The following OPHN1 variants were observed in gnomAD, a reference collection of about 807,000 sequenced individuals.
OPHN1 encodes the protein oligophrenin 1.
In OPHN1, 11 loss-of-function variants were observed where a neutral mutation model predicts 60.7. The observed-to-expected ratio is 0.18, with a 90% CI of 0.11 to 0.30. The LOEUF (loss-of-function observed/expected upper bound fraction) is 0.30. OPHN1 is among the 10% of genes least tolerant of loss of function. OPHN1 has a pLI of 1.00. For missense variants in OPHN1, 449 were observed against 611.0 expected (o/e 0.73, Z 2.80); for synonymous variants, 226 against 222.6 (o/e 1.02, Z -0.14).
chrX:68,084,498 T>A (rs1338732317), intron 19 of OPHN1, among the ~76,000 whole-genome samples: 1 of 109,966 alleles, frequency 9.1e-6, no homozygotes, highest in African/African-American at 3.3e-5. Context: ...AGTGAAGCAG[T>A]TACATGCTAT....
intron 16 of OPHN1, among the ~76,000 whole-genome samples, chrX:68,118,404 T>C (rs1220584162): frequency 8.9e-6 from 1 of 111,830 alleles, no homozygotes; most frequent in Non-Finnish European, 1.9e-5. Flanking sequence ...ACATTCAAGT[T>C]TATGGAAAGC....
intron 18 of OPHN1, among the ~76,000 whole-genome samples, chrX:68,103,761 C>T (rs1389578497): frequency 1.8e-5 from 2 of 111,284 alleles, no homozygotes; most frequent in Non-Finnish European, 3.8e-5. Context: ...AAAATAGGCA[C>T]AAGACAAGGA....
In OPHN1 at chrX:68,045,495, G is replaced by A. The variant is rs2076829390; in HGVS notation, c.*1677C>T. 9.0e-6 allele frequency: 1 copy of A among 111,501 alleles called. No homozygotes were observed. Among genetic ancestry groups the A allele is most frequent in the African/African-American group, 3.3e-5 (1 of 30,588 alleles). The allele number at this position is 111,501 out of a possible 1,213,427, so 9.2% of individuals were successfully genotyped here. A position where few individuals can be genotyped will look rare whatever the true frequency, so the allele number is the denominator to read the frequency against. On this transcript the variant is annotated 3_prime_UTR_variant, in exon 25 of 25. Transcript: ENST00000355520. ...TTTATCTGTCAGTACTATAATCAGT[G>A]CACTAACAGGGCCTTGGTAGAAGAG...
chrX:68,048,342 C>G, intron 24 of OPHN1, 74 bp downstream of exon 24: 1 of 955,696 alleles, frequency 1.0e-6, no homozygotes, highest in Non-Finnish European at 1.5e-6. Context: ...TTATTCCAGT[C>G]CTCAAAATAT....
chrX:68,288,961 G>C (rs555698707), intron 3 of OPHN1, among the ~76,000 whole-genome samples: 4 of 110,932 alleles, frequency 3.6e-5, no homozygotes, highest in African/African-American at 1.3e-4. Context: ...GAATTAATGG[G>C]AAGGCAATAA....
intron 21 of OPHN1, among the ~76,000 whole-genome samples, chrX:68,057,275 C>T (rs1387622236): frequency 9.0e-6 from 1 of 111,616 alleles, no homozygotes; most frequent in Non-Finnish European, 1.9e-5. Flanking sequence ...GGATCCTGAG[C>T]ATGGGTATTT....
intron 5 of OPHN1, among the ~76,000 whole-genome samples, chrX:68,264,991 C>A (rs1413243431): frequency 8.9e-6 from 1 of 112,485 alleles, no homozygotes; most frequent in Non-Finnish European, 1.9e-5. Flanking sequence ...GGGGCGCCCG[C>A]CATTGCCCCT....
Position 68,213,868 on chromosome X carries a change from C to T in OPHN1, c.591G>A (p.Val197=). The T allele has an allele frequency of 8.6e-7, 1 of 1,168,406 alleles. No homozygotes were observed. Among genetic ancestry groups the T allele is most frequent in the Non-Finnish European group, 1.2e-6 (1 of 857,595 alleles). The part of the protein sequence containing the change: ...EVQESKKFNI[V]EPVLAFLHSL... Reference sequence around the variant, plus strand: ...ATCAACAGAGAAAACTTACAGGCTCCACAATATTGAACTTCTTGGACTCCT... The same window carrying T: ...ATCAACAGAGAAAACTTACAGGCTCTACAATATTGAACTTCTTGGACTCCT... The change falls in exon 7 of 25, where the codon GTG becomes GTA. Residue 197 remains valine, a synonymous_variant. Transcript: ENST00000355520.
chrX:68,289,238 C>G, intron 3 of OPHN1, among the ~76,000 whole-genome samples: 1 of 111,515 alleles, frequency 9.0e-6, no homozygotes, highest in Non-Finnish European at 1.9e-5. Context: ...ATAATGTTTA[C>G]CAATCCAAGA....
chrX:68,355,273 T>C (rs2078434655), intron 2 of OPHN1, among the ~76,000 whole-genome samples: 1 of 112,304 alleles, frequency 8.9e-6, no homozygotes, highest in African/African-American at 3.2e-5. Context: ...GGAAAGGAAA[T>C]TGCATAGGAC....
chrX:68,125,930 A>AATATATATATATATATATATATATATAT (rs59058075), intron 15 of OPHN1, among the ~76,000 whole-genome samples: 34 of 22,222 alleles, frequency 1.5e-3, no homozygotes, highest in African/African-American at 2.5e-3. Context: ...ACCACTGATC[A>AATATATATATATATATATATATATATAT]ATATATATAT....
chrX:68,208,843 G>C (rs763308213), intron 9 of OPHN1, among the ~76,000 whole-genome samples: 1 of 111,868 alleles, frequency 8.9e-6, no homozygotes, highest in African/African-American at 3.2e-5. Flanking sequence ...GGCCAGGGAT[G>C]CTTCTAAATA....
chrX:68,170,887 C>T (rs1341631080), intron 15 of OPHN1, among the ~76,000 whole-genome samples: 3 of 108,015 alleles, frequency 2.8e-5, no homozygotes, highest in South Asian at 8.5e-4. Context: ...ACATATGTAA[C>T]TAAACTGCAC....
intron 18 of OPHN1, among the ~76,000 whole-genome samples, chrX:68,106,687 G>A (rs1320512370): frequency 9.0e-6 from 1 of 111,389 alleles, no homozygotes; most frequent in Non-Finnish European, 1.9e-5. Flanking sequence ...AATTGGCTAA[G>A]GTCAGTTTGG....
chrX:68,206,156 A>C (rs960231755), intron 10 of OPHN1, among the ~76,000 whole-genome samples: 1 of 111,646 alleles, frequency 9.0e-6, no homozygotes, highest in Non-Finnish European at 1.9e-5. Flanking sequence ...AGTACATAGA[A>C]TGTGAGTATC....
intron 15 of OPHN1, among the ~76,000 whole-genome samples, chrX:68,149,012 G>A (rs772366123): frequency 1.8e-5 from 2 of 110,702 alleles, no homozygotes; most frequent in South Asian, 7.8e-4. Context: ...AATTTTTCAT[G>A]GCCCACAAAA....
intron 5 of OPHN1, among the ~76,000 whole-genome samples, chrX:68,253,963 C>A (rs180783431): frequency 6.2e-4 from 70 of 112,141 alleles, no homozygotes; most frequent in Non-Finnish European, 1.7e-4. Context: ...GTACGCCCTG[C>A]GTCTAGGGGG....
intron 15 of OPHN1, among the ~76,000 whole-genome samples, chrX:68,138,085 A>G (rs1266931894): frequency 9.0e-6 from 1 of 111,730 alleles, no homozygotes; most frequent in Non-Finnish European, 1.9e-5. Flanking sequence ...TCATATAACA[A>G]CATGAGGTTT....
Position 68,079,234 on chromosome X carries a change from C to G in OPHN1, c.1687-5935G>C, listed in dbSNP as rs1041811632. Among the ~76,000 whole-genome samples the G allele has an allele frequency of 1.8e-4, 20 of 110,523 alleles. No individual in the cohort carries two copies. In the Admixed American group the frequency reaches 1.8e-3, roughly 10 times the overall value. ...TGTTTCTCAAAAGCATTTAAATGAA[C>G]TTAAGTCTCTCCTGTCTGAACCCAA... On this transcript the variant is annotated intron_variant, in intron 19 of 24. Transcript: ENST00000355520.
Sources: allele counts gnomAD v4.1 joint callset (sites outside exome capture counted in the v4.1 genomes callset), GRCh38; gene constraint gnomAD v4.1.1; transcripts MANE v1.5; gene names NCBI Gene and HGNC (gene_info 2026-07-23, HGNC 2026-07-21).